Variants in SYTL2 observed in about 807,000 individuals in gnomAD.
The protein encoded by SYTL2 is synaptotagmin like 2, also known as synaptotagmin-like protein 2.
SYTL2 carries 165 observed loss-of-function variants against 198.7 expected under a neutral mutation model. That is an observed-to-expected ratio of 0.83 (90% CI 0.73 to 0.94). The LOEUF is 0.94. Ranked by LOEUF, SYTL2 falls within the 40% of genes least tolerant of loss-of-function variation. SYTL2 has a pLI of 0.00. For synonymous variants in SYTL2, 966 were observed against 917.7 expected (o/e 1.05, Z -0.95); for missense variants, 2,835 against 2,582.8 (o/e 1.10, Z -2.12).
chr11:85,808,729 T>A (rs1284865621), intron 1 of SYTL2, among the ~76,000 whole-genome samples: 1 of 152,178 alleles, frequency 6.6e-6, no homozygotes, highest in Non-Finnish European at 1.5e-5. Context: ...ATGAAAAAAA[T>A]TGCATAAGCA....
At chr11:85,721,203 T>C (rs2088265369) in intron 8 of SYTL2, among the ~76,000 whole-genome samples, 1 of 152,220 alleles carries the variant, frequency 6.6e-6, no homozygotes, top group Non-Finnish European at 1.5e-5. Flanking sequence ...ACCACATTAA[T>C]AGAAATGTGA....
chr11:85,757,908 G>A lies in SYTL2; in HGVS notation c.-183C>T, dbSNP rs2091958142. 1.4e-6 allele frequency: 1 copy of A among 715,796 alleles called. No homozygotes were observed. The highest frequency in any genetic ancestry group is 2.3e-6 in the Non-Finnish European group (1 of 444,054). The allele number at this position is 715,796 out of a possible 1,614,324, so 44.3% of individuals were successfully genotyped here. A position where few individuals can be genotyped will look rare whatever the true frequency, so the allele number is the denominator to read the frequency against. On this transcript the variant is annotated 5_prime_UTR_variant, in exon 2 of 20. Transcript: ENST00000359152. ...GGCAGCTGATAGCAAGATCCTAAGT[G>A]CTCTTTCCCATGAGGAAGTCCTGGT...
intron 2 of SYTL2, among the ~76,000 whole-genome samples, chr11:85,752,942 AAAAAAAAAAC>A (rs1229066104): frequency 1.4e-5 from 2 of 142,906 alleles, no homozygotes; most frequent in African/African-American, 5.4e-5. Flanking sequence ...AAAAAAAAAA[AAAAAAAAAAC>A]ACAACTAGGT....
the SYTL2 span, among the ~76,000 whole-genome samples, chr11:85,823,762 T>C: frequency 6.6e-6 from 1 of 152,082 alleles, no homozygotes. Flanking sequence ...AAAAAGAAAA[T>C]ATTGATGCAA....
Position 85,725,986 on chromosome 11 carries a change from C to T in SYTL2, c.3372G>A (p.Leu1124=). 6.2e-7 allele frequency: 1 copy of T among 1,614,042 alleles called. No individual in the cohort carries two copies. Among genetic ancestry groups the T allele is most frequent in the Non-Finnish European group, 8.5e-7 (1 of 1,179,994 alleles). ...IQESIIKTNV[L]SKDCKDTFND... is the part of the protein sequence containing the mutation. Reference sequence around the variant, plus strand: ...TAAAAGTGTCTTTGCAGTCTTTAGACAAAACATTGGTTTTTATTATGGATT... The same window carrying T: ...TAAAAGTGTCTTTGCAGTCTTTAGATAAAACATTGGTTTTTATTATGGATT... The change falls in exon 8 of 20, where the codon TTG becomes TTA. Residue 1124 remains leucine (L), a synonymous_variant. Coordinates refer to ENST00000359152, the MANE Select transcript of SYTL2 (RefSeq NM_206927.4).
Position 85,757,729 on chromosome 11 carries a change from G to T in SYTL2, c.-4C>A, listed in dbSNP as rs776778453. 1.2e-6 allele frequency: 2 copies of T among 1,611,544 alleles called. No individual in the cohort carries two copies. The highest frequency in any genetic ancestry group is 1.7e-5 in the Admixed American group (1 of 60,008). Reference sequence around the variant, plus strand: ...TCAGGAAGCTTAAGTCAATCATTTTGAAAAGTGCATGCAAAAATAATAGCA... The same window carrying T: ...TCAGGAAGCTTAAGTCAATCATTTTTAAAAGTGCATGCAAAAATAATAGCA... On this transcript the variant is annotated 5_prime_UTR_variant, in exon 2 of 20. An upstream open reading frame in the 5' UTR gains an earlier in-frame stop. Transcript: ENST00000359152.
the SYTL2 span, among the ~76,000 whole-genome samples, chr11:85,851,356 G>A: frequency 3.3e-5 from 5 of 152,158 alleles, 1 homozygote; most frequent in Admixed American, 6.5e-5. Context: ...GAACTGGTTC[G>A]CAAAGGCAGT....
intron 3 of SYTL2, among the ~76,000 whole-genome samples, chr11:85,746,774 G>A (rs948430494): frequency 4.6e-5 from 7 of 152,114 alleles, no homozygotes; most frequent in African/African-American, 1.4e-4. Context: ...AAAGCAAGAG[G>A]GCTACAAACA....
chr11:85,727,605 GC>G lies in SYTL2; in HGVS notation c.1752del (p.Lys584AsnfsTer3). On this transcript the variant is annotated frameshift_variant, in exon 8 of 20. Coordinates refer to ENST00000359152, the MANE Select transcript of SYTL2 (RefSeq NM_206927.4). LOFTEE classifies it high-confidence loss of function. ...TGGAATGGTGAGTCAGATCTCACAGGCTTCAATTCAATTTTGCTGGGTGATA... is the reference window on the plus strand; with the variant it reads ...TGGAATGGTGAGTCAGATCTCACAGGTTCAATTCAATTTTGCTGGGTGATA... ...KTLSPSKIEL[K>X]PVRSDSPFQA... 3 of 1,536,000 alleles carry G rather than the reference GC, an allele frequency of 2.0e-6. No homozygotes were observed. Among genetic ancestry groups the G allele is most frequent in the Non-Finnish European group, 2.6e-6 (3 of 1,146,850 alleles).
intron 1 of SYTL2, among the ~76,000 whole-genome samples, chr11:85,775,563 GCCTCCA>G (rs1566012504): frequency 6.6e-6 from 1 of 152,214 alleles, no homozygotes; most frequent in East Asian, 1.9e-4. Context: ...GCACACTCCA[GCCTCCA>G]CCTCCTGGGT....
intron 1 of SYTL2, among the ~76,000 whole-genome samples, chr11:85,807,590 CT>C (rs1480297423): frequency 8.0e-6 from 1 of 125,296 alleles, no homozygotes; most frequent in African/African-American, 3.6e-5. Context: ...AAATGCAATG[CT>C]GGGGCAATGA....
At position 85,724,521 on chromosome 11, in the gene SYTL2, T is replaced by G; in HGVS notation, c.4837A>C (p.Arg1613=). Residue 1613 remains arginine (R), a synonymous_variant, in exon 8 of 20, where the codon AGG becomes CGG. Coordinates refer to ENST00000359152, the MANE Select transcript of SYTL2 (RefSeq NM_206927.4). ...ATTTCAGAGGTCTGTGAGGCTGCCC[T>G]GTAAAAATGGGGCACTGTCCCCAAG... ...RFLGTVPHFY[R]AASQTSEMKD... is the part of the protein sequence containing the mutation. The G allele has an allele frequency of 6.2e-7, 1 of 1,613,942 alleles. No homozygotes were observed. The highest frequency in any genetic ancestry group is 8.5e-7 in the Non-Finnish European group (1 of 1,179,996).
At chr11:85,753,275 G>C (rs2091655934) in intron 2 of SYTL2, among the ~76,000 whole-genome samples, 1 of 152,214 alleles carries the variant, frequency 6.6e-6, no homozygotes, top group African/African-American at 2.4e-5. Context: ...GTGGAAGAGA[G>C]AGAAAGAATC....
chr11:85,724,003 C>A (rs1475224279), intron 8 of SYTL2, 29 bp downstream of exon 8: 1 of 1,353,212 alleles, frequency 7.4e-7, no homozygotes, highest in Non-Finnish European at 9.8e-7. Context: ...AGCAGACTCA[C>A]TGTGAGTTAA....
In SYTL2 at chr11:85,725,570, T is replaced by C. The variant is rs1253558834; in HGVS notation, c.3788A>G (p.Lys1263Arg). The C allele has an allele frequency of 1.9e-6, 3 of 1,614,024 alleles. No homozygotes were observed. The African/African-American group carries it at 4.0e-5, about 22-fold the overall frequency. Residue 1263 changes from lysine (K) to arginine (R), a missense_variant, in exon 8 of 20, where the codon AAG becomes AGG. This residue lies in a region of SYTL2 where 2,645 missense variants were observed against 2,381.7 expected (regional missense o/e 1.11). Coordinates refer to ENST00000359152, the MANE Select transcript of SYTL2 (RefSeq NM_206927.4). ...TGGAAAAGGAGCTAGTATTTCTCTC[T>C]TATCAGCTGAAGTATTGTGACTCTG... is the stretch of plus-strand genomic sequence containing the variant. ...IEQSHNTSAD[K>R]REILAPFPVR...
chr11:85,695,321 T>C lies in SYTL2; in HGVS notation c.6594A>G (p.Glu2198=). 1 of 1,579,844 alleles carries C rather than the reference T, an allele frequency of 6.3e-7. No individual in the cohort carries two copies. Residue 2198 remains glutamate, a synonymous_variant, in exon 20 of 20, where the codon GAA becomes GAG. Coordinates refer to ENST00000359152, the MANE Select transcript of SYTL2 (RefSeq NM_206927.4). ...GFGTGKSYGT[E]VDWMDSTSEE... is the part of the protein sequence containing the mutation. Reference sequence around the variant, plus strand: ...CTGAAGTAGAGTCCATCCAGTCCACTTCAGTCCCATAACTTTTACCTGAAA... The same window carrying C: ...CTGAAGTAGAGTCCATCCAGTCCACCTCAGTCCCATAACTTTTACCTGAAA...
Position 85,726,735 on chromosome 11 carries a change from T to A in SYTL2, c.2623A>T (p.Asn875Tyr). Reference sequence around the variant, plus strand: ...TGTGGCTTGGTCTCTTTAGATTTATTTGAGGAATAAGAATTGGAGAGCTGG... The same window carrying A: ...TGTGGCTTGGTCTCTTTAGATTTATATGAGGAATAAGAATTGGAGAGCTGG... Reference protein sequence around the residue: ...ASQLSNSYSSNKSKETKPQIA... With the variant: ...ASQLSNSYSSYKSKETKPQIA... The change falls in exon 8 of 20, where the codon AAT becomes TAT. Residue 875 changes from asparagine (N) to tyrosine (Y), a missense_variant. This residue lies in a region of SYTL2 where 2,645 missense variants were observed against 2,381.7 expected (regional missense o/e 1.11). Transcript: ENST00000359152. The A allele has an allele frequency of 6.5e-7, 1 of 1,536,152 alleles. No homozygotes were observed. The highest frequency in any genetic ancestry group is 8.7e-7 in the Non-Finnish European group (1 of 1,146,902).
At chr11:85,735,997 A>G (rs1411754917) in intron 6 of SYTL2, among the ~76,000 whole-genome samples, 1 of 152,242 alleles carries the variant, frequency 6.6e-6, no homozygotes, top group Non-Finnish European at 1.5e-5. Context: ...TTTCCTCTTA[A>G]CAGTATATAA....
Position 85,734,608 on chromosome 11 carries a change from T to C in SYTL2, c.721A>G (p.Met241Val), listed in dbSNP as rs183225195. ...TTTAAATCAGTTGATTTGTAGATCA[T>C]CTTCCTGGCTTTGGGGATTGGAGCC... is the stretch of plus-strand genomic sequence containing the variant. ...IKAPIPKARK[M>V]IYKSTDLNKD... Residue 241 changes from methionine to valine, a missense_variant, in exon 7 of 20, where the codon ATG becomes GTG. This residue lies in a region of SYTL2 where 2,645 missense variants were observed against 2,381.7 expected (regional missense o/e 1.11). Coordinates refer to ENST00000359152, the MANE Select transcript of SYTL2 (RefSeq NM_206927.4). The C allele has an allele frequency of 1.7e-5, 27 of 1,614,210 alleles. No homozygotes were observed. The African/African-American group carries it at 2.1e-4, about 13-fold the overall frequency.
Sources: gnomAD v4.1 joint callset for allele counts (sites outside exome capture counted in the v4.1 genomes callset) on GRCh38, gnomAD v4.1.1 for gene constraint, gnomAD v4.1.1 regional missense constraint, MANE v1.5 for transcripts, NCBI Gene and HGNC (gene_info 2026-07-23, HGNC 2026-07-21) for gene names.